Variants in CNTN6 observed in about 807,000 individuals in gnomAD.
CNTN6 encodes the protein contactin 6.
Under a neutral mutation model 122.8 loss-of-function variants are expected in CNTN6, and 137 were observed. The observed-to-expected ratio is 1.12, with a 90% CI of 0.97 to 1.29. The LOEUF is 1.29. Ranked by LOEUF, CNTN6 falls within the 50% of genes most tolerant of loss-of-function variation. The probability of loss-of-function intolerance (pLI) is 0.00; values close to 1 mark genes in which losing one functional copy is unlikely to be tolerated. For missense variants in CNTN6, 1,634 were observed against 1,223.4 expected (o/e 1.34, Z -5.01); for synonymous variants, 570 against 426.0 (o/e 1.34, Z -4.16).
At chr3:1,305,217 G>A (rs1208292349) in intron 7 of CNTN6, among the ~76,000 whole-genome samples, 1 of 152,140 alleles carries the variant, frequency 6.6e-6, no homozygotes, top group Non-Finnish European at 1.5e-5. Context: ...CAGACAGAAT[G>A]TATAAAAAGT....
At chr3:1,148,451 TA>T (rs2092769792) in intron 2 of CNTN6, among the ~76,000 whole-genome samples, 1 of 144,714 alleles carries the variant, frequency 6.9e-6, no homozygotes, top group South Asian at 2.1e-4. Flanking sequence ...AAATTAAAAT[TA>T]AAATACATAT....
intron 1 of CNTN6, among the ~76,000 whole-genome samples, chr3:1,129,115 A>C (rs2092265161): frequency 6.6e-6 from 1 of 152,068 alleles, no homozygotes; most frequent in Non-Finnish European, 1.5e-5. Flanking sequence ...TTAGGGAGAA[A>C]TAGATTGGTT....
chr3:1,213,212 C>G (rs2094072914), intron 2 of CNTN6, among the ~76,000 whole-genome samples: 1 of 152,138 alleles, frequency 6.6e-6, no homozygotes, highest in African/African-American at 2.4e-5. Context: ...GAAGTTTAAA[C>G]CAGACTTTTC....
chr3:1,258,078 T>G lies in CNTN6; in HGVS notation c.359-20335T>G, dbSNP rs542121367. Among the ~76,000 whole-genome samples the G allele has an allele frequency of 2.6e-5, 4 of 152,264 alleles. No homozygotes were observed. The South Asian group carries it at 8.3e-4, about 32-fold the overall frequency. On this transcript the variant is annotated intron_variant, in intron 4 of 22. Coordinates refer to ENST00000446702, the MANE Select transcript of CNTN6 (RefSeq NM_001289080.2). ...CATCACAAATCAGTCCCCTCCAAGT[T>G]GTATTGGAAAAGCAATATATGTGAT...
intron 7 of CNTN6, among the ~76,000 whole-genome samples, chr3:1,309,780 G>T (rs9826826): frequency 2.0e-5 from 3 of 152,056 alleles, no homozygotes; most frequent in Non-Finnish European, 2.9e-5. Context: ...CTATTTCTCC[G>T]CTTATTTCGA....
chr3:1,134,100 T>C (rs4324458), intron 1 of CNTN6, among the ~76,000 whole-genome samples: 60,246 of 151,684 alleles, frequency 0.4, 12,139 homozygotes, highest in East Asian at 0.46. Flanking sequence ...CACTGTGAAG[T>C]CAAAAGATCT....
At chr3:1,384,689 C>T (rs750889048) in intron 19 of CNTN6, among the ~76,000 whole-genome samples, 1,376 of 65,134 alleles carry the variant, frequency 0.021, 22 homozygotes, top group African/African-American at 0.098. Flanking sequence ...TATATATATA[C>T]ACACACACAC....
chr3:1,186,169 C>G (rs546689996), intron 2 of CNTN6, among the ~76,000 whole-genome samples: 41 of 152,180 alleles, frequency 2.7e-4, no homozygotes, highest in South Asian at 2.5e-3. Context: ...AAAGTAACTT[C>G]TATGTATTTA....
chr3:1,202,463 C>G (rs1159519432), intron 2 of CNTN6, among the ~76,000 whole-genome samples: 1 of 119,802 alleles, frequency 8.3e-6, no homozygotes, highest in South Asian at 2.2e-4. Flanking sequence ...TGGCGGGAAC[C>G]CCGGGGGGCG....
chr3:1,300,523 A>G (rs949036952), intron 7 of CNTN6, among the ~76,000 whole-genome samples: 1 of 143,206 alleles, frequency 7.0e-6, no homozygotes. Flanking sequence ...GAAAGAAAGA[A>G]AGATAAAGAA....
At chr3:1,340,359 A>G (rs1019129093) in intron 11 of CNTN6, among the ~76,000 whole-genome samples, 2 of 152,194 alleles carry the variant, frequency 1.3e-5, no homozygotes, top group South Asian at 2.1e-4. Flanking sequence ...AAGGTATAGA[A>G]TAAGTCAACA....
At chr3:1,389,676 C>A (rs530363473) in intron 20 of CNTN6, among the ~76,000 whole-genome samples, 3 of 151,956 alleles carry the variant, frequency 2.0e-5, no homozygotes, top group South Asian at 4.2e-4. Context: ...ACCCATCTCA[C>A]GTGCAGAGAC....
intron 20 of CNTN6, among the ~76,000 whole-genome samples, chr3:1,387,800 C>G (rs533796680): frequency 6.6e-6 from 1 of 152,158 alleles, no homozygotes; most frequent in Non-Finnish European, 1.5e-5. Flanking sequence ...AAAGGGGTGA[C>G]GGACGCACCT....
At chr3:1,187,089 A>T (rs1408020781) in intron 2 of CNTN6, among the ~76,000 whole-genome samples, 1 of 152,262 alleles carries the variant, frequency 6.6e-6, no homozygotes, top group East Asian at 1.9e-4. Context: ...TCCACATAGA[A>T]TGGCTTGCGA....
chr3:1,241,545 A>G (rs891513679), intron 4 of CNTN6, among the ~76,000 whole-genome samples: 5 of 152,186 alleles, frequency 3.3e-5, no homozygotes, highest in African/African-American at 1.2e-4. Context: ...CCGAATTAAA[A>G]GGAGGAGAAA....
intron 2 of CNTN6, among the ~76,000 whole-genome samples, chr3:1,207,511 T>A (rs113454023): frequency 0.065 from 9,966 of 152,184 alleles, 405 homozygotes; most frequent in Middle Eastern, 0.1. Flanking sequence ...TTGATCTCTG[T>A]TCAGATGTCA....
intron 2 of CNTN6, among the ~76,000 whole-genome samples, chr3:1,164,215 T>C (rs937412399): frequency 9.2e-5 from 14 of 152,224 alleles, no homozygotes; most frequent in African/African-American, 2.2e-4. Context: ...CTGACCAACA[T>C]TGACCTTAGG....
intron 4 of CNTN6, among the ~76,000 whole-genome samples, chr3:1,228,600 C>G (rs543862531): frequency 1.3e-5 from 2 of 152,252 alleles, no homozygotes; most frequent in East Asian, 3.9e-4. Flanking sequence ...TTTCCAGGGA[C>G]TGAAATGTTT....
chr3:1,278,408 C>A lies in CNTN6; in HGVS notation c.359-5C>A, dbSNP rs371457244. 3.4e-5 allele frequency: 54 copies of A among 1,571,654 alleles called. No individual in the cohort carries two copies. Among genetic ancestry groups the A allele is most frequent in the Non-Finnish European group, 4.2e-5 (48 of 1,152,144 alleles). ...TTATAAATCTGCTTTTCTTTGTTTT[C>A]CAAGATATTGAAGACTTTGAAACTA... On this transcript the variant is annotated splice_polypyrimidine_tract_variant and splice_region_variant and intron_variant, in intron 4 of 22. Coordinates refer to ENST00000446702, the MANE Select transcript of CNTN6 (RefSeq NM_001289080.2).
Sources: gnomAD v4.1 joint callset for allele counts (sites outside exome capture counted in the v4.1 genomes callset) on GRCh38, gnomAD v4.1.1 for gene constraint, MANE v1.5 for transcripts, NCBI Gene and HGNC (gene_info 2026-07-23, HGNC 2026-07-21) for gene names.